Variants in MCM4 observed in about 807,000 individuals in gnomAD.
MCM4 encodes minichromosome maintenance complex component 4, also known as DNA replication licensing factor MCM4.
In MCM4, 60 loss-of-function variants were observed where a neutral mutation model predicts 88.7. The observed-to-expected ratio is 0.68, with a 90% CI of 0.55 to 0.84. The LOEUF (loss-of-function observed/expected upper bound fraction) is 0.84, where lower values mean the gene tolerates loss of function less well. Ranked by LOEUF, MCM4 falls within the 40% of genes least tolerant of loss-of-function variation. MCM4 has a pLI of 0.00. For synonymous variants in MCM4, 465 were observed against 410.5 expected, an observed-to-expected ratio of 1.13 and a Z score of -1.61; for missense variants, 1,149 against 1,105.5, an observed-to-expected ratio of 1.04 and a Z score of -0.56.
intron 11 of MCM4, among the ~76,000 whole-genome samples, chr8:47,970,266 A>G (rs1417268442): frequency 6.6e-6 from 1 of 152,274 alleles, no homozygotes; most frequent in East Asian, 1.9e-4. Context: ...GTTTCTAAAC[A>G]GAAGAGGCCA....
At chr8:47,972,626 G>A (rs985716562) in intron 13 of MCM4, among the ~76,000 whole-genome samples, 1 of 152,044 alleles carries the variant, frequency 6.6e-6, no homozygotes, top group Non-Finnish European at 1.5e-5. Flanking sequence ...ACGCGAACTT[G>A]GCTCACCGCA....
In MCM4 at chr8:47,975,185, T is replaced by C. The variant is rs996463281; in HGVS notation, c.2365+223T>C. On this transcript the variant is annotated intron_variant, in intron 15 of 16. Transcript: ENST00000649973. ...GTTTTGTGTATAGTTTTTTTTTGTT[T>C]TTTTTTTTTATACTTTAAGTTTTAG... The C allele has an allele frequency of 1.5e-5, 7 of 456,136 alleles. 1 individual carries two copies. In the South Asian group the frequency reaches 2.2e-4, roughly 14 times the overall value. 28.3% of individuals were successfully genotyped at this position (456,136 alleles called of 1,614,324 possible).
In MCM4 at chr8:47,962,363, G is replaced by T; in HGVS notation, c.458G>T (p.Trp153Leu). Reference protein sequence around the residue: ...EQSLGQKLVIWGTDVNVAACK... With the variant: ...EQSLGQKLVILGTDVNVAACK... ...TCTCTAGGCCAAAAACTTGTGATCT[G>T]GGGAACAGATGTAAATGTGGCAGCA... Residue 153 changes from tryptophan (W) to leucine (L), a missense_variant, in exon 5 of 17, where the codon TGG becomes TTG. By Grantham distance (61) the Trp-to-Leu change is moderately conservative. Coordinates refer to ENST00000649973, the MANE Select transcript of MCM4 (RefSeq NM_182746.3). 6.2e-7 allele frequency: 1 copy of T among 1,614,212 alleles called. No homozygotes were observed. Among genetic ancestry groups the T allele is most frequent in the Non-Finnish European group, 8.5e-7 (1 of 1,180,044 alleles).
intron 7 of MCM4, among the ~76,000 whole-genome samples, chr8:47,963,318 G>A (rs1382324935): frequency 2.6e-5 from 4 of 152,010 alleles, no homozygotes; most frequent in African/African-American, 9.7e-5. Flanking sequence ...GCCAGACATG[G>A]TGGTGCATGC....
At chr8:47,975,151 A>T in intron 15 of MCM4, 189 bp downstream of exon 15, 1 of 529,884 alleles carries the variant, frequency 1.9e-6, no homozygotes, top group Non-Finnish European at 3.3e-6. Context: ...ATATTGATTA[A>T]CACACACAGT....
At chr8:47,972,774 C>A in intron 13 of MCM4, 83 bp from the exon 14 acceptor site, 1 of 1,096,474 alleles carries the variant, frequency 9.1e-7, no homozygotes, top group Non-Finnish European at 1.3e-6. Context: ...CCAGGCTGGT[C>A]TCAAACTACC....
intron 12 of MCM4, 54 bp downstream of exon 12, chr8:47,970,930 T>C: frequency 6.5e-7 from 1 of 1,527,870 alleles, no homozygotes; most frequent in Admixed American, 2.0e-5. Context: ...TGTGGACCCT[T>C]GAAAGACAGG....
Position 47,961,014 on chromosome 8 carries a change from G to T in MCM4, c.-15G>T. The T allele has an allele frequency of 2.0e-6, 2 of 1,022,978 alleles. No homozygotes were observed. The highest frequency in any genetic ancestry group is 1.8e-5 in the South Asian group (1 of 54,194). 63.4% of individuals were successfully genotyped at this position (1,022,978 alleles called of 1,614,324 possible). On this transcript the variant is annotated splice_region_variant and 5_prime_UTR_variant, in exon 1 of 17. Transcript: ENST00000649973. ...CGTCGGCAAGCGGCCGCCTTTCCAC[G>T]GTAACCGCGCGCCGGCGGGGAGGGC...
At position 47,976,992 on chromosome 8, in the gene MCM4, G is replaced by A. The variant is rs17287753; in HGVS notation, c.*214G>A. 3,463 of 374,634 alleles carry A rather than the reference G, an allele frequency of 9.2e-3. 114 individuals are homozygous for A. The highest frequency in any genetic ancestry group is 0.067 in the African/African-American group (3,221 of 47,916). 23.2% of individuals were successfully genotyped at this position (374,634 alleles called of 1,614,324 possible). A position where few individuals can be genotyped will look rare whatever the true frequency, so the allele number is the denominator to read the frequency against. On this transcript the variant is annotated 3_prime_UTR_variant, in exon 17 of 17. Transcript: ENST00000649973. The stretch of plus-strand genomic sequence containing the variant: ...AATAAAAATACTATGCTGGCCGGGC[G>A]CGGTGGCTCACACCTGTAATCCCAG...
At chr8:47,975,983 A>G (rs548264585) in intron 16 of MCM4, 135 bp downstream of exon 16, 1 of 709,968 alleles carries the variant, frequency 1.4e-6, no homozygotes, top group African/African-American at 1.9e-5. Context: ...ACCATAAGCC[A>G]TCATCAAGAA....
chr8:47,965,600 C>T (rs1023015042), intron 8 of MCM4, among the ~76,000 whole-genome samples: 4 of 152,124 alleles, frequency 2.6e-5, no homozygotes, highest in Non-Finnish European at 5.9e-5. Flanking sequence ...TAGTTGCGGG[C>T]AGTGGGACCT....
intron 16 of MCM4, 147 bp from the exon 17 acceptor site, chr8:47,976,539 C>T (rs2091002031): frequency 3.6e-6 from 2 of 548,710 alleles, no homozygotes; most frequent in Non-Finnish European, 3.3e-6. Flanking sequence ...GGCTACTCCA[C>T]TCCTGATTTA....
rs532657654 is a variant in MCM4 at position 47,975,691 on chromosome 8, T to A, written c.2366-24T>A. On this transcript the variant is annotated intron_variant, in intron 15 of 16. Coordinates refer to ENST00000649973, the MANE Select transcript of MCM4 (RefSeq NM_182746.3). ...TTCATTTCATAATAGCAAAAATGTT[T>A]TCATTGATTTCTTTTTAAATCAGGG... 1.7e-5 allele frequency: 26 copies of A among 1,496,522 alleles called. No homozygotes were observed. The African/African-American group carries it at 3.2e-4, about 18-fold the overall frequency. The allele number at this position is 1,496,522 out of a possible 1,614,324, so 92.7% of individuals were successfully genotyped here. A position where few individuals can be genotyped will look rare whatever the true frequency, so the allele number is the denominator to read the frequency against.
In MCM4 at chr8:47,976,815, C is replaced by T. The variant is rs1265494155; in HGVS notation, c.*37C>T. 4 of 1,333,904 alleles carry T rather than the reference C, an allele frequency of 3.0e-6. No individual in the cohort carries two copies. The highest frequency in any genetic ancestry group is 4.3e-6 in the Non-Finnish European group (4 of 925,816). The allele number at this position is 1,333,904 out of a possible 1,614,324, so 82.6% of individuals were successfully genotyped here. ...CAAGGAAGGCTCCCTGCATGTCCTG[C>T]TTGCTGCACGCCACATGGGTGTGGT... On this transcript the variant is annotated 3_prime_UTR_variant, in exon 17 of 17. Transcript: ENST00000649973.
At chr8:47,965,618 G>A (rs1301716812) in intron 8 of MCM4, among the ~76,000 whole-genome samples, 2 of 152,182 alleles carry the variant, frequency 1.3e-5, no homozygotes, top group Non-Finnish European at 1.5e-5. Flanking sequence ...CCTTCAAAGG[G>A]AAAAAGTTGT....
At position 47,976,780 on chromosome 8, in the gene MCM4, G is replaced by A. The variant is rs769325855; in HGVS notation, c.*2G>A. ...GGGAAGACCGTGCGCTTGCTCTGAA[G>A]CCTTGTGAGCAAGGAAGGCTCCCTG... On this transcript the variant is annotated 3_prime_UTR_variant, in exon 17 of 17. Transcript: ENST00000649973. 2.1e-5 allele frequency: 34 copies of A among 1,603,066 alleles called. No individual in the cohort carries two copies. Among genetic ancestry groups the A allele is most frequent in the Non-Finnish European group, 2.9e-5 (34 of 1,170,360 alleles).
chr8:47,970,040 C>T lies in MCM4; in HGVS notation c.1417C>T (p.His473Tyr). 1.2e-6 allele frequency: 2 copies of T among 1,613,848 alleles called. No individual in the cohort carries two copies. Among genetic ancestry groups the T allele is most frequent in the Non-Finnish European group, 1.7e-6 (2 of 1,179,956 alleles). The part of the protein sequence containing the change: ...ASALAPSIYE[H>Y]EDIKKGILLQ... ...AGCCTTGGCTCCAAGCATTTATGAA[C>T]ATGAAGATATAAAGAAGGTAACAGT... Residue 473 changes from histidine (H) to tyrosine (Y), a missense_variant, in exon 11 of 17, where the codon CAT becomes TAT. Physicochemically the swap from His to Tyr is moderately conservative, Grantham distance 83. This residue lies in a region of MCM4 where 906 missense variants were observed against 843.0 expected (regional missense o/e 1.07). Transcript: ENST00000649973.
At chr8:47,971,522 G>A (rs1200332122) in intron 13 of MCM4, 54 bp downstream of exon 13, 2 of 1,575,248 alleles carry the variant, frequency 1.3e-6, no homozygotes, top group Non-Finnish European at 1.7e-6. Flanking sequence ...GGGTGAGATT[G>A]AAAAGGAGCT....
Position 47,973,037 on chromosome 8 carries a change from T to C in MCM4, c.2109T>C (p.Ser703=). The C allele has an allele frequency of 6.2e-7, 1 of 1,613,852 alleles. No homozygotes were observed. The highest frequency in any genetic ancestry group is 8.5e-7 in the Non-Finnish European group (1 of 1,179,994). The part of the protein sequence containing the change: ...YAHSTIMPRL[S]EEASQALIEA... ...ACAGCACCATCATGCCGCGGCTAAGTGAGGAAGCCAGCCAGGCTCTCATCG... is the reference window on the plus strand; with the variant it reads ...ACAGCACCATCATGCCGCGGCTAAGCGAGGAAGCCAGCCAGGCTCTCATCG... Residue 703 remains serine, a synonymous_variant, in exon 14 of 17, where the codon AGT becomes AGC. Transcript: ENST00000649973.
Sources: allele counts gnomAD v4.1 joint callset (sites outside exome capture counted in the v4.1 genomes callset), GRCh38; gene constraint gnomAD v4.1.1; regional missense constraint gnomAD v4.1.1; transcripts MANE v1.5; gene names NCBI Gene and HGNC (gene_info 2026-07-23, HGNC 2026-07-21).